The following FRMPD3 variants were observed in gnomAD, a reference collection of about 807,000 sequenced individuals.
FRMPD3 encodes the protein FERM and PDZ domain-containing protein 3.
Under a neutral mutation model 97.9 loss-of-function variants are expected in FRMPD3, and 42 were observed. The observed-to-expected ratio is 0.43, with a 90% confidence interval of 0.34 to 0.55. The LOEUF is 0.55. Ranked by LOEUF, FRMPD3 falls within the 20% of genes least tolerant of loss-of-function variation. The pLI is 0.03. For synonymous variants in FRMPD3, 577 were observed against 581.1 expected, an observed-to-expected ratio of 0.99 and a Z score of 0.10; for missense variants, 1,303 against 1,457.7, an observed-to-expected ratio of 0.89 and a Z score of 1.73.
chrX:107,575,656 G>A (rs1216164838), intron 12 of FRMPD3, among the ~76,000 whole-genome samples: 1 of 111,700 alleles, frequency 9.0e-6, no homozygotes, highest in East Asian at 2.8e-4. Flanking sequence ...TCACCATGTT[G>A]GCCAGGCTGG....
In FRMPD3 at chrX:107,460,390, C is replaced by A. The variant is rs191336953; in HGVS notation, c.-8+10385C>A. On this transcript the variant is annotated intron_variant, in intron 1 of 14. Transcript: ENST00000683843. The stretch of plus-strand genomic sequence containing the variant: ...AAGTTGGTTTCAGAAACTGAAGTAC[C>A]CAGAGGATTTTTTTTTTTTTGACAG... 4.4e-4 allele frequency among the ~76,000 whole-genome samples: 48 copies of A among 108,994 alleles called. No individual in the cohort carries two copies. The Admixed American group carries it at 4.5e-3, about 10-fold the overall frequency. The allele number at this position is 108,994 out of a possible 115,157, so 94.6% of individuals were successfully genotyped here. A position where few individuals can be genotyped will look rare whatever the true frequency, so the allele number is the denominator to read the frequency against.
At chrX:107,471,918 C>T (rs750473734) in intron 1 of FRMPD3, among the ~76,000 whole-genome samples, 3 of 112,468 alleles carry the variant, frequency 2.7e-5, no homozygotes, top group African/African-American at 6.5e-5. Flanking sequence ...CTCCCACCAA[C>T]AGTATAAAAG....
At position 107,597,738 on chromosome X, in the gene FRMPD3, A is replaced by G. The variant is rs1924260467; in HGVS notation, c.1859A>G (p.Gln620Arg). The change falls in exon 14 of 15, where the codon CAG becomes CGG. Residue 620 changes from glutamine to arginine, a missense_variant. By Grantham distance (43) the Gln-to-Arg change is conservative (BLOSUM62 1). Coordinates refer to ENST00000683843, the MANE Select transcript of FRMPD3 (RefSeq NM_001388459.1). ...FYCDSCKAKL[Q>R]EQLGPRKGGK... ...TGTGACTCTTGCAAAGCCAAACTTC[A>G]GGAGCAGCTGGGCCCTCGCAAAGGT... is the stretch of plus-strand genomic sequence containing the variant. 2.5e-6 allele frequency: 3 copies of G among 1,200,430 alleles called. No individual in the cohort carries two copies. In the South Asian group the frequency reaches 5.4e-5, roughly 22 times the overall value.
intron 8 of FRMPD3, among the ~76,000 whole-genome samples, chrX:107,558,577 C>G (rs1445241262): frequency 9.0e-6 from 1 of 111,109 alleles, no homozygotes; most frequent in Admixed American, 9.6e-5. Context: ...TCTACAGGTT[C>G]CATATTTGTG....
chrX:107,453,207 A>C (rs1931320988), intron 1 of FRMPD3, among the ~76,000 whole-genome samples: 1 of 111,064 alleles, frequency 9.0e-6, no homozygotes, highest in Non-Finnish European at 1.9e-5. Context: ...ACATACACAC[A>C]AATACACACA....
chrX:107,565,089 C>T, intron 12 of FRMPD3, 23 bp downstream of exon 12: 1 of 1,141,128 alleles, frequency 8.8e-7, no homozygotes, highest in Non-Finnish European at 1.2e-6. Context: ...TTGAGGGCCT[C>T]CTTCTGTTTA....
At chrX:107,508,902 T>G (rs1369170224) in intron 1 of FRMPD3, among the ~76,000 whole-genome samples, 1 of 112,252 alleles carries the variant, frequency 8.9e-6, no homozygotes, top group African/African-American at 3.2e-5. Flanking sequence ...GGCTTGGAGT[T>G]GTTAATACGA....
chrX:107,452,461 G>A (rs922500478), intron 1 of FRMPD3, among the ~76,000 whole-genome samples: 1 of 112,270 alleles, frequency 8.9e-6, no homozygotes, highest in African/African-American at 3.2e-5. Flanking sequence ...TTGCAGTTGT[G>A]GGCTGAAGGC....
chrX:107,475,084 A>ATG (rs754738601), intron 1 of FRMPD3, among the ~76,000 whole-genome samples: 47 of 110,848 alleles, frequency 4.2e-4, no homozygotes, highest in African/African-American at 8.5e-4. Context: ...GAATATGTGT[A>ATG]TGTGTGTGTG....
chrX:107,498,205 C>T (rs1215411849), intron 1 of FRMPD3, among the ~76,000 whole-genome samples: 2 of 112,321 alleles, frequency 1.8e-5, no homozygotes, highest in African/African-American at 6.5e-5. Context: ...TGTTTTTGCA[C>T]GCAGGCAGGC....
At chrX:107,478,894 G>A (rs753520545) in intron 1 of FRMPD3, among the ~76,000 whole-genome samples, 7 of 111,515 alleles carry the variant, frequency 6.3e-5, no homozygotes, top group Non-Finnish European at 1.3e-4. Flanking sequence ...ATCTGGTTTG[G>A]GGTGGGGTGG....
intron 1 of FRMPD3, among the ~76,000 whole-genome samples, chrX:107,460,278 T>G (rs1325833459): frequency 8.9e-6 from 1 of 111,993 alleles, no homozygotes; most frequent in Non-Finnish European, 1.9e-5. Context: ...ACTCACTGTT[T>G]GTCTCCTAAG....
chrX:107,452,046 T>C (rs1463909738), intron 1 of FRMPD3, among the ~76,000 whole-genome samples: 1 of 111,869 alleles, frequency 8.9e-6, no homozygotes, highest in Non-Finnish European at 1.9e-5. Context: ...CAGGCCAAGG[T>C]GTTAATAGCT....
chrX:107,455,454 A>C (rs1931358965), intron 1 of FRMPD3, among the ~76,000 whole-genome samples: 1 of 111,361 alleles, frequency 9.0e-6, no homozygotes, highest in African/African-American at 3.3e-5. Context: ...ACTCGGGACT[A>C]CAGAGAGGCT....
chrX:107,492,327 T>C (rs1327526302), intron 1 of FRMPD3, among the ~76,000 whole-genome samples: 2 of 111,818 alleles, frequency 1.8e-5, no homozygotes, highest in East Asian at 2.8e-4. Context: ...AGATGAGGTC[T>C]ATGGCCATGA....
chrX:107,501,515 C>T (rs62602998), intron 1 of FRMPD3, among the ~76,000 whole-genome samples: 114 of 1,223 alleles, frequency 0.093, no homozygotes, highest in Non-Finnish European at 0.48. Context: ...ACTACAGGCG[C>T]CCGCCACCGC....
chrX:107,466,583 CTTTCCTT>C (rs1439338263), intron 1 of FRMPD3, among the ~76,000 whole-genome samples: 1 of 112,273 alleles, frequency 8.9e-6, no homozygotes, highest in Non-Finnish European at 1.9e-5. Flanking sequence ...AGGTCTTGTT[CTTTCCTT>C]TTCCCTTCAG....
rs777404763 is a variant in FRMPD3, at chrX:107,491,180, A to G, written c.-7-35402A>G. Among the ~76,000 whole-genome samples, 7 of 112,179 alleles carry G rather than the reference A, an allele frequency of 6.2e-5. No individual in the cohort carries two copies. In the East Asian group the frequency reaches 1.4e-3, roughly 22 times the overall value. On this transcript the variant is annotated intron_variant, in intron 1 of 14. Coordinates refer to ENST00000683843, the MANE Select transcript of FRMPD3 (RefSeq NM_001388459.1). ...AGGGAAAGCAAGCTCCCTTATCATC[A>G]ATAACAGCAACATCATCACTGTTGT...
intron 1 of FRMPD3, among the ~76,000 whole-genome samples, chrX:107,524,995 CAAAAAAAAA>C (rs750900204): frequency 1.5e-4 from 2 of 13,735 alleles, no homozygotes; most frequent in African/African-American, 3.0e-4. Flanking sequence ...GACTCCATCT[CAAAAAAAAA>C]AAAAAAAAAA....
Sources: gnomAD v4.1 joint callset for allele counts (sites outside exome capture counted in the v4.1 genomes callset) on GRCh38, gnomAD v4.1.1 for gene constraint, MANE v1.5 for transcripts, NCBI Gene and HGNC (gene_info 2026-07-23, HGNC 2026-07-21) for gene names.